MTMR7: variants seen among roughly 807,000 people sequenced by gnomAD.
The protein encoded by MTMR7 is myotubularin related protein 7.
A neutral mutation model predicts 81.2 loss-of-function variants in MTMR7; 76 were observed. The observed-to-expected ratio is 0.94, with a 90% confidence interval of 0.78 to 1.13. The LOEUF is 1.13. Among genes scored for constraint, MTMR7 ranks in the 50% most tolerant of loss-of-function variants. MTMR7 has a pLI of 0.00. For missense variants in MTMR7, 1,044 were observed against 820.0 expected, an observed-to-expected ratio of 1.27 and a Z score of -3.34; for synonymous variants, 372 against 289.8, an observed-to-expected ratio of 1.28 and a Z score of -2.88.
chr8:17,359,202 T>C (rs1819987536), intron 4 of MTMR7, among the ~76,000 whole-genome samples: 1 of 152,140 alleles, frequency 6.6e-6, no homozygotes, highest in South Asian at 2.1e-4. Flanking sequence ...CTGGCTTAAA[T>C]GCGTATTAAT....
Position 17,357,072 on chromosome 8 carries a change from A to C in MTMR7, c.468+4045T>G, listed in dbSNP as rs183787442. Reference sequence around the variant, plus strand: ...CAAAACACAACCAACAAAAGAAAAAAAGAAAGAAAGAGGGAAGGATGAGTA... The same window carrying C: ...CAAAACACAACCAACAAAAGAAAAACAGAAAGAAAGAGGGAAGGATGAGTA... On this transcript the variant is annotated intron_variant, in intron 4 of 13. Coordinates refer to ENST00000180173, the MANE Select transcript of MTMR7 (RefSeq NM_004686.5). 3.3e-5 allele frequency among the ~76,000 whole-genome samples: 5 copies of C among 150,318 alleles called. No homozygotes were observed. The East Asian group carries it at 9.6e-4, about 29-fold the overall frequency.
At chr8:17,392,622 G>A (rs1050956486) in intron 1 of MTMR7, among the ~76,000 whole-genome samples, 14 of 152,330 alleles carry the variant, frequency 9.2e-5, no homozygotes, top group East Asian at 3.9e-4. Context: ...CTTCCTGAGC[G>A]AAACTTGACA....
intron 1 of MTMR7, among the ~76,000 whole-genome samples, chr8:17,397,446 G>C (rs150032294): frequency 4.2e-4 from 64 of 152,282 alleles, no homozygotes; most frequent in Middle Eastern, 6.8e-3. Context: ...AAACCCCATG[G>C]ACCAGTGGTA....
intron 5 of MTMR7, among the ~76,000 whole-genome samples, chr8:17,344,386 T>C (rs1429393296): frequency 1.3e-5 from 2 of 152,076 alleles, no homozygotes; most frequent in African/African-American, 4.8e-5. Context: ...CCAAGGCAGG[T>C]GCATCACCTG....
chr8:17,386,593 C>A (rs1820950831), intron 1 of MTMR7, among the ~76,000 whole-genome samples: 1 of 152,166 alleles, frequency 6.6e-6, no homozygotes, highest in Non-Finnish European at 1.5e-5. Flanking sequence ...GCTCCTCACC[C>A]TCAAACTCTT....
In MTMR7 at chr8:17,361,585, A is replaced by C. The variant is rs1820062920; in HGVS notation, c.311-311T>G. 2.0e-5 allele frequency among the ~76,000 whole-genome samples: 3 copies of C among 152,320 alleles called. No homozygotes were observed. The South Asian group carries it at 6.2e-4, about 32-fold the overall frequency. ...CAAATATATTTTCCAGACCACATCAAATATGGAACATAAAAATTAAGAACA... is the reference window on the plus strand; with the variant it reads ...CAAATATATTTTCCAGACCACATCACATATGGAACATAAAAATTAAGAACA... On this transcript the variant is annotated intron_variant, in intron 3 of 13. Transcript: ENST00000180173.
At chr8:17,304,583 A>G (rs1817329590) in intron 11 of MTMR7, 64 bp from the exon 12 acceptor site, 4 of 1,517,960 alleles carry the variant, frequency 2.6e-6, no homozygotes, top group Non-Finnish European at 3.6e-6. Context: ...TAGATATGTT[A>G]TATTAATGCT....
intron 4 of MTMR7, among the ~76,000 whole-genome samples, chr8:17,352,334 C>T (rs1220352800): frequency 6.6e-6 from 1 of 152,134 alleles, no homozygotes; most frequent in African/African-American, 2.4e-5. Flanking sequence ...CAAGACTACT[C>T]AATGGGGTAA....
chr8:17,385,849 G>A (rs1004527002), intron 1 of MTMR7, among the ~76,000 whole-genome samples: 2 of 152,066 alleles, frequency 1.3e-5, no homozygotes, highest in African/African-American at 4.8e-5. Flanking sequence ...ACAAACTTTG[G>A]AACCATGAGC....
At chr8:17,311,674 G>A in intron 8 of MTMR7, 38 bp from the exon 9 acceptor site, 1 of 1,613,028 alleles carries the variant, frequency 6.2e-7, no homozygotes, top group Non-Finnish European at 8.5e-7. Context: ...CACAAAGAAT[G>A]GCTGTAAAAA....
chr8:17,308,370 T>C (rs973847412), intron 10 of MTMR7, among the ~76,000 whole-genome samples: 2 of 152,202 alleles, frequency 1.3e-5, no homozygotes, highest in Non-Finnish European at 2.9e-5. Flanking sequence ...TTGGGGGCTT[T>C]AATTTTCTCA....
At chr8:17,403,871 T>C (rs1314259029) in intron 1 of MTMR7, among the ~76,000 whole-genome samples, 1 of 152,232 alleles carries the variant, frequency 6.6e-6, no homozygotes, top group Non-Finnish European at 1.5e-5. Context: ...CTTTTTCACA[T>C]TGTTCACTGT....
At chr8:17,321,568 C>G (rs1321762781) in intron 7 of MTMR7, among the ~76,000 whole-genome samples, 2 of 152,196 alleles carry the variant, frequency 1.3e-5, no homozygotes, top group Non-Finnish European at 2.9e-5. Flanking sequence ...TGGGGATACA[C>G]TTGAGACCAA....
intron 3 of MTMR7, 40 bp from the exon 4 acceptor site, chr8:17,361,314 C>G (rs915335983): frequency 6.2e-7 from 1 of 1,610,870 alleles, no homozygotes; most frequent in Non-Finnish European, 8.5e-7. Context: ...CAAGCTTAGT[C>G]AAAACCAGAG....
chr8:17,344,983 G>T (rs192153080), intron 5 of MTMR7, among the ~76,000 whole-genome samples: 2 of 152,122 alleles, frequency 1.3e-5, no homozygotes, highest in African/African-American at 4.8e-5. Flanking sequence ...AAATCCTAGC[G>T]TAATAAAGAA....
intron 3 of MTMR7, among the ~76,000 whole-genome samples, chr8:17,366,055 G>A (rs1820214873): frequency 6.6e-6 from 1 of 152,080 alleles, no homozygotes. Flanking sequence ...GCTCTCCTCG[G>A]CTCCTTCACT....
At chr8:17,352,825 G>A (rs1241640711) in intron 4 of MTMR7, among the ~76,000 whole-genome samples, 1 of 152,144 alleles carries the variant, frequency 6.6e-6, no homozygotes, top group South Asian at 2.1e-4. Flanking sequence ...CAGATAAATT[G>A]AAACCCTAGT....
chr8:17,340,318 T>G lies in MTMR7; in HGVS notation c.732+1045A>C, dbSNP rs116131270. ...ACTCTTGTTGCCTAACAGGACATCC[T>G]GGACTCCTCTGCTTACCATACAAGG... On this transcript the variant is annotated intron_variant, in intron 6 of 13. Coordinates refer to ENST00000180173, the MANE Select transcript of MTMR7 (RefSeq NM_004686.5). 3.1e-3 allele frequency among the ~76,000 whole-genome samples: 477 copies of G among 152,362 alleles called. 1 individual carries two copies. The highest frequency in any genetic ancestry group is 0.011 in the African/African-American group (457 of 41,594).
intron 4 of MTMR7, among the ~76,000 whole-genome samples, chr8:17,359,515 G>C (rs1819997517): frequency 6.7e-6 from 1 of 149,860 alleles, no homozygotes; most frequent in East Asian, 2.0e-4. Context: ...TGGATCTGGA[G>C]TTTGAGACTG....
Sources: allele counts gnomAD v4.1 joint callset (sites outside exome capture counted in the v4.1 genomes callset), GRCh38; gene constraint gnomAD v4.1.1; transcripts MANE v1.5; gene names NCBI Gene and HGNC (gene_info 2026-07-23, HGNC 2026-07-21).